Variants in DSCAML1 observed in about 807,000 individuals in gnomAD.
DSCAML1 encodes DS cell adhesion molecule like 1.
In DSCAML1, 38 loss-of-function variants were observed where a neutral mutation model predicts 200.5. The observed-to-expected ratio is 0.19, with a 90% CI of 0.15 to 0.25. The LOEUF is 0.25. Ranked by LOEUF, DSCAML1 falls within the 10% of genes least tolerant of loss-of-function variation. DSCAML1 has a pLI of 1.00. For missense variants in DSCAML1, 2,223 were observed against 2,858.8 expected, an observed-to-expected ratio of 0.78 and a Z score of 5.07; for synonymous variants, 1,215 against 1,165.0, an observed-to-expected ratio of 1.04 and a Z score of -0.87.
At chr11:117,609,095 A>C (rs557180469) in intron 3 of DSCAML1, among the ~76,000 whole-genome samples, 7 of 151,928 alleles carry the variant, frequency 4.6e-5, no homozygotes, top group African/African-American at 1.4e-4. Context: ...GCTACTTGTG[A>C]GGCTAAGGCA....
At chr11:117,477,384 G>A (rs1363747743) in intron 14 of DSCAML1, among the ~76,000 whole-genome samples, 7 of 131,988 alleles carry the variant, frequency 5.3e-5, no homozygotes, top group East Asian at 4.3e-4. Context: ...GTGTGTGTGT[G>A]TGTGTGTATG....
chr11:117,459,177 C>G (rs954652019), intron 18 of DSCAML1, among the ~76,000 whole-genome samples: 2 of 152,242 alleles, frequency 1.3e-5, no homozygotes, highest in African/African-American at 4.8e-5. Flanking sequence ...ACCAACTTCA[C>G]CTTGACACGC....
At chr11:117,472,143 C>A (rs2048699379) in intron 14 of DSCAML1, 107 bp from the exon 15 acceptor site, 1 of 1,256,694 alleles carries the variant, frequency 8.0e-7, no homozygotes, top group Non-Finnish European at 1.1e-6. Context: ...CCCGAGGGGT[C>A]CAGCTCACAC....
intron 24 of DSCAML1, 128 bp from the exon 25 acceptor site, chr11:117,438,211 C>A (rs10892101): frequency 0.34 from 297,471 of 879,092 alleles, 58,948 homozygotes; most frequent in East Asian, 0.81. Context: ...GTCATTGGAA[C>A]GGGCATATGC....
At chr11:117,598,016 A>AATAT (rs35760031) in intron 3 of DSCAML1, among the ~76,000 whole-genome samples, 33 of 152,042 alleles carry the variant, frequency 2.2e-4, no homozygotes, top group African/African-American at 7.7e-4. Flanking sequence ...GTCCTGATAC[A>AATAT]ATATATATAT....
chr11:117,564,893 G>A (rs1591270935), intron 3 of DSCAML1, among the ~76,000 whole-genome samples: 2 of 152,080 alleles, frequency 1.3e-5, no homozygotes, highest in South Asian at 4.2e-4. Context: ...AGCCTCCCAA[G>A]TAGCTGAGAT....
Position 117,518,836 on chromosome 11 carries a change from G to C in DSCAML1, c.1214-74C>G. 6.7e-7 allele frequency: 1 copy of C among 1,490,288 alleles called. No homozygotes were observed. Among genetic ancestry groups the C allele is most frequent in the Non-Finnish European group, 8.9e-7 (1 of 1,124,240 alleles). The allele number at this position is 1,490,288 out of a possible 1,614,324, so 92.3% of individuals were successfully genotyped here. On this transcript the variant is annotated intron_variant, in intron 6 of 32. Transcript: ENST00000651296. The surrounding 1 kb of genome is among the most constrained non-coding windows in gnomAD (Gnocchi z 6.3). Reference sequence around the variant, plus strand: ...CGGTCCCCCCAGCCACCCCACCTCAGCAGGGGAGGAGGCAAAAAGCAGCCA... The same window carrying C: ...CGGTCCCCCCAGCCACCCCACCTCACCAGGGGAGGAGGCAAAAAGCAGCCA...
At chr11:117,565,069 AC>A (rs995349509) in intron 3 of DSCAML1, among the ~76,000 whole-genome samples, 2 of 152,014 alleles carry the variant, frequency 1.3e-5, no homozygotes, top group Non-Finnish European at 2.9e-5. Context: ...GCCCGGCCAA[AC>A]CTCACTTTCA....
chr11:117,579,548 C>T (rs1010814614), intron 3 of DSCAML1, among the ~76,000 whole-genome samples: 2 of 152,244 alleles, frequency 1.3e-5, no homozygotes, highest in African/African-American at 4.8e-5. Context: ...GACAGGCCTT[C>T]CCTGACCACC....
At chr11:117,485,761 G>A (rs1338385015) in intron 11 of DSCAML1, among the ~76,000 whole-genome samples, 2 of 152,168 alleles carry the variant, frequency 1.3e-5, no homozygotes, top group African/African-American at 4.8e-5. Flanking sequence ...TTTGGGTAGA[G>A]GAAAAAAGCC....
chr11:117,437,553 G>A lies in DSCAML1; in HGVS notation c.4433-144C>T. The A allele has an allele frequency of 9.6e-7, 1 of 1,038,452 alleles. No individual in the cohort carries two copies. Among genetic ancestry groups the A allele is most frequent in the Non-Finnish European group, 1.4e-6 (1 of 716,808 alleles). 64.3% of individuals were successfully genotyped at this position (1,038,452 alleles called of 1,614,324 possible). A position where few individuals can be genotyped will look rare whatever the true frequency, so the allele number is the denominator to read the frequency against. Reference sequence around the variant, plus strand: ...TACATGTTTGGCACAGATGGGGTGGGGAAGCCCCAGGGCGCAGAGGAGGAA... The same window carrying A: ...TACATGTTTGGCACAGATGGGGTGGAGAAGCCCCAGGGCGCAGAGGAGGAA... On this transcript the variant is annotated intron_variant, in intron 25 of 32. Coordinates refer to ENST00000651296, the MANE Select transcript of DSCAML1 (RefSeq NM_020693.4). This position sits in a 1 kb window ranked among gnomAD's most constrained non-coding sequence, Gnocchi z 5.3.
rs557489564 is a variant in DSCAML1 at position 117,594,920 on chromosome 11, CT to C, written c.512-62399del. On this transcript the variant is annotated intron_variant, in intron 3 of 32. Transcript: ENST00000651296. ...AGTTTCTGTGGTGGGATTTTCATTC[CT>C]CATTGTTACCTCTGTCAAGAAGGGA... 1.1e-4 allele frequency among the ~76,000 whole-genome samples: 16 copies of C among 152,318 alleles called. No homozygotes were observed. In the South Asian group the frequency reaches 2.9e-3, roughly 28 times the overall value.
At chr11:117,470,030 AGGAAG>A (rs2048654321) in intron 15 of DSCAML1, 50 bp from the exon 16 acceptor site, 3 of 1,520,106 alleles carry the variant, frequency 2.0e-6, no homozygotes, top group Admixed American at 1.8e-5. Context: ...GACTTGGAAG[AGGAAG>A]GGGTTCTATG....
chr11:117,697,447 T>C (rs1004806509), intron 3 of DSCAML1, among the ~76,000 whole-genome samples: 1 of 152,214 alleles, frequency 6.6e-6, no homozygotes, highest in African/African-American at 2.4e-5. Flanking sequence ...AAAATATGCA[T>C]AATATAAAAT....
At chr11:117,530,465 C>G (rs1044165924) in intron 4 of DSCAML1, among the ~76,000 whole-genome samples, 3 of 152,184 alleles carry the variant, frequency 2.0e-5, no homozygotes, top group African/African-American at 7.2e-5. Context: ...GCTGCAGATT[C>G]CAAAGTCAAG....
chr11:117,467,193 A>ACCCCCCCCCCCC lies in DSCAML1; in HGVS notation c.3025-2012_3025-2011insGGGGGGGGGGGG, dbSNP rs757481843. Among the ~76,000 whole-genome samples, 42 of 109,506 alleles carry ACCCCCCCCCCCC rather than the reference A, an allele frequency of 3.8e-4. 1 individual carries two copies. Among genetic ancestry groups the ACCCCCCCCCCCC allele is most frequent in the African/African-American group, 1.1e-3 (26 of 22,612 alleles). 71.8% of individuals were successfully genotyped at this position (109,506 alleles called of 152,430 possible). ...CGCGCACGCATGCGCGTGCACACAC[A>ACCCCCCCCCCCC]CCTCCCCCCTCCCCCCGCCGCCAAT... On this transcript the variant is annotated intron_variant, in intron 16 of 32. Coordinates refer to ENST00000651296, the MANE Select transcript of DSCAML1 (RefSeq NM_020693.4).
chr11:117,663,378 C>T (rs918585579), intron 3 of DSCAML1, among the ~76,000 whole-genome samples: 1 of 152,164 alleles, frequency 6.6e-6, no homozygotes, highest in Non-Finnish European at 1.5e-5. Context: ...GCGCCCAGGA[C>T]TCTGAGGCCA....
intron 3 of DSCAML1, among the ~76,000 whole-genome samples, chr11:117,658,158 C>A (rs1193765110): frequency 3.3e-5 from 5 of 152,168 alleles, no homozygotes; most frequent in Non-Finnish European, 5.9e-5. Flanking sequence ...GGACGGAATG[C>A]AAGCCTCTTT....
chr11:117,662,125 G>A (rs1185264540), intron 3 of DSCAML1, among the ~76,000 whole-genome samples: 3 of 152,224 alleles, frequency 2.0e-5, no homozygotes, highest in Non-Finnish European at 2.9e-5. Context: ...ACAAAGGCTG[G>A]TCTGTATCCA....
Sources: allele counts gnomAD v4.1 joint callset (sites outside exome capture counted in the v4.1 genomes callset), GRCh38; gene constraint gnomAD v4.1.1; non-coding constraint Gnocchi (gnomAD v3.1); transcripts MANE v1.5; gene names NCBI Gene and HGNC (gene_info 2026-07-23, HGNC 2026-07-21).